The following UBE4B variants were observed in gnomAD, a reference collection of about 807,000 sequenced individuals.
UBE4B encodes the protein ubiquitination factor E4B, also known as ubiquitin conjugation factor E4 B.
Under a neutral mutation model 148.1 loss-of-function variants are expected in UBE4B, and 27 were observed. The ratio of observed to expected loss-of-function variants is 0.18; its 90% confidence interval spans 0.13 to 0.25. The LOEUF (loss-of-function observed/expected upper bound fraction) is 0.25, where lower values mean the gene tolerates loss of function less well. UBE4B is among the 10% of genes least tolerant of loss of function. UBE4B has a pLI of 1.00. For synonymous variants in UBE4B, 596 were observed against 619.3 expected, an observed-to-expected ratio of 0.96 and a Z score of 0.56; for missense variants, 1,170 against 1,662.4, an observed-to-expected ratio of 0.70 and a Z score of 5.15.
intron 2 of UBE4B, among the ~76,000 whole-genome samples, chr1:10,091,693 C>T (rs866674199): frequency 3.9e-5 from 6 of 152,150 alleles, no homozygotes; most frequent in Non-Finnish European, 5.9e-5. Context: ...GCAACTTCCA[C>T]CACCTGGGTT....
intron 20 of UBE4B, among the ~76,000 whole-genome samples, chr1:10,149,552 G>A (rs1279147788): frequency 6.6e-6 from 1 of 152,152 alleles, no homozygotes; most frequent in East Asian, 1.9e-4. Context: ...ATGTGTTTCT[G>A]AGCAACAGAA....
chr1:10,150,513 A>G (rs981026754), intron 20 of UBE4B, among the ~76,000 whole-genome samples: 1 of 152,190 alleles, frequency 6.6e-6, no homozygotes, highest in Admixed American at 6.6e-5. Flanking sequence ...AGTTAATATA[A>G]CATGCTACAG....
At chr1:10,160,797 G>A (rs1351588770) in intron 22 of UBE4B, among the ~76,000 whole-genome samples, 3 of 152,068 alleles carry the variant, frequency 2.0e-5, no homozygotes, top group Non-Finnish European at 4.4e-5. Context: ...AAATACAAAA[G>A]CTGGGCGTGG....
chr1:10,171,034 A>C (rs918702223), intron 24 of UBE4B, 104 bp from the exon 25 acceptor site: 4 of 1,232,390 alleles, frequency 3.2e-6, no homozygotes, highest in Middle Eastern at 2.0e-4. Context: ...GATTCTTTGA[A>C]GATTAATCCA....
chr1:10,082,061 ATGTT>A (rs1372601734), intron 2 of UBE4B, among the ~76,000 whole-genome samples: 1 of 151,998 alleles, frequency 6.6e-6, no homozygotes, highest in Non-Finnish European at 1.5e-5. Context: ...TCTATTTTAT[ATGTT>A]TGTTTATGTT....
intron 26 of UBE4B, 54 bp downstream of exon 26, chr1:10,178,872 A>G (rs534976933): frequency 4.5e-5 from 69 of 1,537,514 alleles, no homozygotes; most frequent in Middle Eastern, 1.9e-4. Context: ...CTGGAAATCG[A>G]TAACATTACA....
In UBE4B at chr1:10,161,316, C is replaced by T. The variant is rs372027569; in HGVS notation, c.3198+30C>T. On this transcript the variant is annotated intron_variant, in intron 23 of 27. Coordinates refer to ENST00000343090, the MANE Select transcript of UBE4B (RefSeq NM_001105562.3). This position sits in a 1 kb window ranked among gnomAD's most constrained non-coding sequence, Gnocchi z 4.1. ...GGACGTGGTCCAGAGGCTTGGACAG[C>T]TTTGCAGGCCATCTGCCTCCACACA... 6.2e-7 allele frequency: 1 copy of T among 1,603,466 alleles called. No homozygotes were observed. The highest frequency in any genetic ancestry group is 1.3e-5 in the African/African-American group (1 of 74,608).
chr1:10,152,651 A>G (rs1645996065), intron 21 of UBE4B, among the ~76,000 whole-genome samples: 1 of 151,922 alleles, frequency 6.6e-6, no homozygotes, highest in South Asian at 2.1e-4. Flanking sequence ...TACAAAAATT[A>G]GCTGGGTGTG....
intron 1 of UBE4B, among the ~76,000 whole-genome samples, chr1:10,062,203 C>T (rs35646986): frequency 0.019 from 2,922 of 152,140 alleles, 46 homozygotes; most frequent in Non-Finnish European, 0.031. Context: ...CCACCACACC[C>T]GGCCCTATTT....
intron 17 of UBE4B, among the ~76,000 whole-genome samples, chr1:10,141,450 C>T (rs1645780487): frequency 6.6e-6 from 1 of 152,094 alleles, no homozygotes; most frequent in Non-Finnish European, 1.5e-5. Flanking sequence ...ACTTGTTCTC[C>T]CCTAGAGCCT....
At chr1:10,130,385 C>A in intron 12 of UBE4B, 115 bp from the exon 13 acceptor site, 1 of 956,694 alleles carries the variant, frequency 1.0e-6, no homozygotes. Flanking sequence ...CTGGCTGAAA[C>A]ATAAAAGTTT....
At chr1:10,133,702 G>T (rs1275286388) in intron 15 of UBE4B, among the ~76,000 whole-genome samples, 2 of 151,952 alleles carry the variant, frequency 1.3e-5, no homozygotes, top group Admixed American at 1.3e-4. Flanking sequence ...CTTGAGCCCA[G>T]GCATTTGAGA....
intron 9 of UBE4B, among the ~76,000 whole-genome samples, chr1:10,120,736 G>T (rs187999050): frequency 5.3e-5 from 8 of 152,102 alleles, no homozygotes; most frequent in Admixed American, 2.0e-4. Context: ...TACTGGGGAG[G>T]CTGAGGCACG....
chr1:10,054,447 A>T, intron 1 of UBE4B: 1 of 395,842 alleles, frequency 2.5e-6, no homozygotes. Context: ...CTCTTATGCC[A>T]TGAATTCATA....
chr1:10,175,548 G>A (rs1310485492), intron 25 of UBE4B, among the ~76,000 whole-genome samples: 1 of 152,040 alleles, frequency 6.6e-6, no homozygotes, highest in Admixed American at 6.5e-5. Flanking sequence ...CTACTCGGGA[G>A]GCTGAGGCAG....
intron 1 of UBE4B, among the ~76,000 whole-genome samples, chr1:10,048,958 T>C (rs1376034793): frequency 6.6e-6 from 1 of 152,192 alleles, no homozygotes; most frequent in African/African-American, 2.4e-5. Context: ...TTCAACACTC[T>C]GTTTCTCTCT....
chr1:10,055,941 C>G (rs1198019379), intron 1 of UBE4B, among the ~76,000 whole-genome samples: 1 of 151,872 alleles, frequency 6.6e-6, no homozygotes, highest in Non-Finnish European at 1.5e-5. Context: ...CAAAACAAAA[C>G]AAAACCAGAA....
chr1:10,094,879 C>T (rs750928362), intron 2 of UBE4B, among the ~76,000 whole-genome samples: 5 of 152,244 alleles, frequency 3.3e-5, no homozygotes, highest in Non-Finnish European at 5.9e-5. Context: ...CAACGTCTTC[C>T]TCCCAGATTC....
At chr1:10,134,621 G>T (rs574230057) in intron 15 of UBE4B, among the ~76,000 whole-genome samples, 1 of 152,238 alleles carries the variant, frequency 6.6e-6, no homozygotes, top group East Asian at 1.9e-4. Context: ...AGAATTAATG[G>T]AATGACAGTG....
Sources: gnomAD v4.1 joint callset for allele counts (sites outside exome capture counted in the v4.1 genomes callset) on GRCh38, gnomAD v4.1.1 for gene constraint, Gnocchi (gnomAD v3.1) non-coding constraint, MANE v1.5 for transcripts, NCBI Gene and HGNC (gene_info 2026-07-23, HGNC 2026-07-21) for gene names.